Variants in PCDH11X observed in about 807,000 individuals in gnomAD.
PCDH11X encodes protocadherin-11 X-linked.
Under a neutral mutation model 53.3 loss-of-function variants are expected in PCDH11X, and 18 were observed. The observed-to-expected ratio is 0.34, with a 90% CI of 0.23 to 0.50. The LOEUF is 0.50. Among genes scored for constraint, PCDH11X ranks in the 20% least tolerant of loss-of-function variants. PCDH11X has a pLI of 0.98. For synonymous variants in PCDH11X, 279 were observed against 393.3 expected (o/e 0.71, Z 3.44); for missense variants, 570 against 1,032.4 (o/e 0.55, Z 6.14).
chrX:91,888,444 G>A (rs1173615099), intron 6 of PCDH11X, among the ~76,000 whole-genome samples: 2 of 111,623 alleles, frequency 1.8e-5, no homozygotes, highest in Non-Finnish European at 3.8e-5. Context: ...CTTGAGCTCA[G>A]GAGTTTCAGA....
chrX:92,568,291 G>C (rs776018703), intron 10 of PCDH11X, among the ~76,000 whole-genome samples: 3 of 109,483 alleles, frequency 2.7e-5, no homozygotes, highest in Non-Finnish European at 5.7e-5. Context: ...GCGTGGTGGC[G>C]GGCGCCTGTA....
At chrX:91,989,958 A>T (rs1007881130) in intron 6 of PCDH11X, among the ~76,000 whole-genome samples, 7 of 110,784 alleles carry the variant, frequency 6.3e-5, no homozygotes, top group African/African-American at 2.3e-4. Context: ...GGCTCTGTTA[A>T]TTTTTTTATA....
intron 4 of PCDH11X, chrX:91,834,953 C>T (rs1334056919): frequency 5.2e-6 from 4 of 767,593 alleles, no homozygotes; most frequent in Non-Finnish European, 6.2e-6. Context: ...TTCCTTGCCT[C>T]GTTTTATCCA....
chrX:91,969,021 G>T (rs1317444526), intron 6 of PCDH11X, among the ~76,000 whole-genome samples: 3 of 110,800 alleles, frequency 2.7e-5, no homozygotes, highest in Admixed American at 9.7e-5. Context: ...AAAGATGTGT[G>T]TTTTCTTTCC....
intron 6 of PCDH11X, among the ~76,000 whole-genome samples, chrX:92,155,563 C>T (rs955249123): frequency 1.0e-5 from 1 of 98,086 alleles, no homozygotes; most frequent in African/African-American, 3.8e-5. Context: ...TCACCTCTAC[C>T]ACTACCACTC....
chrX:92,145,121 T>C (rs1307677336), intron 6 of PCDH11X, among the ~76,000 whole-genome samples: 1 of 111,231 alleles, frequency 9.0e-6, no homozygotes, highest in East Asian at 2.8e-4. Context: ...AGTGAGATGA[T>C]TGTGCAAATA....
chrX:92,191,055 AT>A (rs2066183766), intron 6 of PCDH11X, among the ~76,000 whole-genome samples: 1 of 111,961 alleles, frequency 8.9e-6, no homozygotes, highest in African/African-American at 3.2e-5. Context: ...TTAAAATTCC[AT>A]TTTCATACTT....
chrX:92,186,900 T>C (rs923416112), intron 6 of PCDH11X, among the ~76,000 whole-genome samples: 4 of 112,075 alleles, frequency 3.6e-5, no homozygotes, highest in African/African-American at 1.3e-4. Flanking sequence ...TTGATCATTA[T>C]ATGTAGTTTG....
At chrX:92,181,891 G>A (rs1022968336) in intron 6 of PCDH11X, among the ~76,000 whole-genome samples, 37 of 112,693 alleles carry the variant, frequency 3.3e-4, no homozygotes, top group African/African-American at 1.2e-3. Flanking sequence ...CTTCTGCTAG[G>A]GCAGTGCAGA....
At chrX:92,365,292 C>T (rs1402155456) in intron 8 of PCDH11X, among the ~76,000 whole-genome samples, 2 of 103,546 alleles carry the variant, frequency 1.9e-5, no homozygotes, top group Non-Finnish European at 4.0e-5. Flanking sequence ...AATATATAAA[C>T]CAATAACATA....
At chrX:91,920,613 G>C (rs112919768) in intron 6 of PCDH11X, among the ~76,000 whole-genome samples, 2 of 111,203 alleles carry the variant, frequency 1.8e-5, no homozygotes, top group African/African-American at 6.5e-5. Context: ...ATCAAGAATT[G>C]TGTCTTTATT....
At chrX:91,936,260 A>G (rs879181809) in intron 6 of PCDH11X, among the ~76,000 whole-genome samples, 10 of 109,812 alleles carry the variant, frequency 9.1e-5, no homozygotes, top group Non-Finnish European at 1.9e-4. Flanking sequence ...AATGGGGTCT[A>G]TTGGGGCAAT....
At chrX:92,399,611 A>T (rs2071337314) in intron 9 of PCDH11X, among the ~76,000 whole-genome samples, 2 of 112,358 alleles carry the variant, frequency 1.8e-5, no homozygotes, top group South Asian at 7.3e-4. Flanking sequence ...GAAAAGCATT[A>T]TAGAAAGTTT....
intron 7 of PCDH11X, among the ~76,000 whole-genome samples, chrX:92,258,367 CTT>C (rs199563708): frequency 0.056 from 4,978 of 89,608 alleles, 236 homozygotes; most frequent in East Asian, 0.34. Context: ...ATGCAAATTT[CTT>C]TTTTTTTTTT....
At chrX:92,417,540 C>T (rs185561327) in intron 9 of PCDH11X, among the ~76,000 whole-genome samples, 2 of 111,277 alleles carry the variant, frequency 1.8e-5, no homozygotes, top group East Asian at 5.7e-4. Context: ...AATTTTATTT[C>T]ATAAAAGACA....
At chrX:92,599,383 A>G (rs991873497) in intron 10 of PCDH11X, among the ~76,000 whole-genome samples, 21 of 110,612 alleles carry the variant, frequency 1.9e-4, no homozygotes, top group Non-Finnish European at 3.4e-4. Flanking sequence ...TGTGGGAGGG[A>G]CCCAGTGGAG....
rs1269778671 is a variant in PCDH11X, at chrX:92,622,132, TAAC to T, written c.*3194_*3196del. ...GTAATTTTGTGTATTCTTATTTACT[TAAC>T]ATTTTACTTTTAATTATGTAAATTT... On this transcript the variant is annotated 3_prime_UTR_variant, in exon 11 of 11. Coordinates refer to ENST00000682573, the MANE Select transcript of PCDH11X (RefSeq NM_032968.5). The T allele has an allele frequency of 7.0e-5, 7 of 100,357 alleles. No homozygotes were observed. Among genetic ancestry groups the T allele is most frequent in the African/African-American group, 2.6e-4 (7 of 27,420 alleles). The allele number at this position is 100,357 out of a possible 1,213,427, so 8.3% of individuals were successfully genotyped here.
intron 6 of PCDH11X, among the ~76,000 whole-genome samples, chrX:92,067,172 G>T (rs1329069011): frequency 2.7e-5 from 3 of 110,630 alleles, no homozygotes; most frequent in Non-Finnish European, 5.7e-5. Flanking sequence ...TTTTCTGATT[G>T]CTCTAGCTAA....
intron 6 of PCDH11X, among the ~76,000 whole-genome samples, chrX:91,920,750 ATT>A (rs1941713249): frequency 9.1e-6 from 1 of 110,125 alleles, no homozygotes; most frequent in Non-Finnish European, 1.9e-5. Context: ...AAATCCCTCT[ATT>A]TTTTCTCTCA....
Sources: gnomAD v4.1 joint callset for allele counts (sites outside exome capture counted in the v4.1 genomes callset) on GRCh38, gnomAD v4.1.1 for gene constraint, MANE v1.5 for transcripts, NCBI Gene and HGNC (gene_info 2026-07-23, HGNC 2026-07-21) for gene names.